PTBP3: variants seen among roughly 807,000 people sequenced by gnomAD.
The protein encoded by PTBP3 is polypyrimidine tract binding protein 3.
Under a neutral mutation model 58.7 loss-of-function variants are expected in PTBP3, and 20 were observed. That is an observed-to-expected ratio of 0.34 (90% CI 0.24 to 0.50). The LOEUF (loss-of-function observed/expected upper bound fraction) is 0.50. Ranked by LOEUF, PTBP3 falls within the 20% of genes least tolerant of loss-of-function variation. The pLI is 0.98. For synonymous variants in PTBP3, 185 were observed against 219.8 expected, an observed-to-expected ratio of 0.84 and a Z score of 1.40; for missense variants, 509 against 637.2, an observed-to-expected ratio of 0.80 and a Z score of 2.17.
At chr9:112,343,179 C>G in the PTBP3 span, among the ~76,000 whole-genome samples, 2 of 151,114 alleles carry the variant, frequency 1.3e-5, no homozygotes, top group South Asian at 4.2e-4. Context: ...TTAGGGGAAT[C>G]TGGACAGTGG....
chr9:112,290,687 A>AATAT lies in PTBP3; in HGVS notation c.34+7141_34+7144dup, dbSNP rs67387323. On this transcript the variant is annotated intron_variant, in intron 2 of 13. Transcript: ENST00000374257. ...ACTCTGTCTTTAAAAAAAAAAAAAA[A>AATAT]ATATATATATATATATATATACACA... Among the ~76,000 whole-genome samples the AATAT allele has an allele frequency of 2.9e-3, 250 of 84,976 alleles. 2 individuals carry two copies. Among genetic ancestry groups the AATAT allele is most frequent in the Admixed American group, 4.9e-3 (40 of 8,146 alleles). 55.7% of individuals were successfully genotyped at this position (84,976 alleles called of 152,430 possible). A position where few individuals can be genotyped will look rare whatever the true frequency, so the allele number is the denominator to read the frequency against.
At chr9:112,320,315 T>TATATATATATATATATATATATATA (rs60292377) in intron 1 of PTBP3, among the ~76,000 whole-genome samples, 2 of 27,076 alleles carry the variant, frequency 7.4e-5, no homozygotes, top group African/African-American at 2.4e-4. Flanking sequence ...TATATATATA[T>TATATATATATATATATATATATATA]TTTTTTTTAA....
chr9:112,346,314 G>A, the PTBP3 span, among the ~76,000 whole-genome samples: 4 of 151,558 alleles, frequency 2.6e-5, no homozygotes, highest in South Asian at 8.3e-4. Context: ...ACAAAGGTGC[G>A]TGCCACCATG....
At chr9:112,315,294 CT>C (rs989458331) in intron 1 of PTBP3, among the ~76,000 whole-genome samples, 2 of 149,672 alleles carry the variant, frequency 1.3e-5, no homozygotes, top group Non-Finnish European at 3.0e-5. Flanking sequence ...AAGTAGTAAG[CT>C]TTAAAAAAAA....
intron 1 of PTBP3, 123 bp downstream of exon 1, chr9:112,333,347 G>C (rs1273078062): frequency 2.5e-6 from 3 of 1,182,690 alleles, no homozygotes; most frequent in African/African-American, 1.6e-5. Context: ...GGGCTTGGCC[G>C]GGGCCGCTCC....
rs951860936 is a variant in PTBP3 at position 112,301,086 on chromosome 9, T to G, written c.-51-3170A>C. Among the ~76,000 whole-genome samples, 16 of 152,196 alleles carry G rather than the reference T, an allele frequency of 1.1e-4. 1 individual carries two copies. The highest frequency in any genetic ancestry group is 3.1e-4 in the African/African-American group (13 of 41,516). On this transcript the variant is annotated intron_variant, in intron 1 of 13. Transcript: ENST00000374257. Reference sequence around the variant, plus strand: ...GAGAATAAAAAGACAACATGGAGAATGGAAGAAAGTATTTACAAGTCACAC... The same window carrying G: ...GAGAATAAAAAGACAACATGGAGAAGGGAAGAAAGTATTTACAAGTCACAC...
chr9:112,236,138 C>T (rs1254434646), intron 7 of PTBP3, among the ~76,000 whole-genome samples: 1 of 151,746 alleles, frequency 6.6e-6, no homozygotes, highest in Non-Finnish European at 1.5e-5. Context: ...TTATTTTCTT[C>T]ATTAAAAAGA....
At chr9:112,339,311 A>AAAAG in the PTBP3 span, among the ~76,000 whole-genome samples, 10 of 147,834 alleles carry the variant, frequency 6.8e-5, no homozygotes, top group Non-Finnish European at 1.3e-4. Context: ...AAAAAAAAAA[A>AAAAG]AAATACAGGC....
intron 10 of PTBP3, among the ~76,000 whole-genome samples, chr9:112,229,770 T>C (rs1226317286): frequency 1.3e-5 from 2 of 152,182 alleles, no homozygotes; most frequent in African/African-American, 2.4e-5. Flanking sequence ...GGGGTCTCAC[T>C]ATCTGGCCCA....
At chr9:112,370,554 A>C in the PTBP3 span, among the ~76,000 whole-genome samples, 7 of 152,136 alleles carry the variant, frequency 4.6e-5, no homozygotes, top group African/African-American at 1.7e-4. Context: ...TAAAAAAAAA[A>C]TCTGGAAGTA....
At chr9:112,293,797 C>G (rs1828549018) in intron 2 of PTBP3, among the ~76,000 whole-genome samples, 1 of 152,128 alleles carries the variant, frequency 6.6e-6, no homozygotes, top group East Asian at 1.9e-4. Context: ...AAAGAGAGTA[C>G]TATTTTCTAT....
chr9:112,291,179 G>A (rs933472609), intron 2 of PTBP3, among the ~76,000 whole-genome samples: 2 of 151,804 alleles, frequency 1.3e-5, no homozygotes, highest in African/African-American at 4.8e-5. Flanking sequence ...CCAAGATTGT[G>A]CCATTGCACT....
At chr9:112,320,316 T>TATATATATATATATATA (rs61624494) in intron 1 of PTBP3, among the ~76,000 whole-genome samples, 4 of 31,578 alleles carry the variant, frequency 1.3e-4, no homozygotes, top group African/African-American at 4.9e-4. Flanking sequence ...ATATATATAT[T>TATATATATATATATATA]TTTTTTTAAG....
At chr9:112,320,595 T>C (rs1829908666) in intron 1 of PTBP3, among the ~76,000 whole-genome samples, 1 of 151,726 alleles carries the variant, frequency 6.6e-6, no homozygotes, top group South Asian at 2.1e-4. Context: ...TGATCTAGAA[T>C]AGCCAAAGCA....
At chr9:112,284,558 T>C (rs188904552) in intron 2 of PTBP3, among the ~76,000 whole-genome samples, 1 of 152,172 alleles carries the variant, frequency 6.6e-6, no homozygotes, top group South Asian at 2.1e-4. Context: ...CAGCCAAGCA[T>C]GGTGATGTGC....
chr9:112,366,328 C>G, the PTBP3 span, among the ~76,000 whole-genome samples: 1 of 152,022 alleles, frequency 6.6e-6, no homozygotes, highest in African/African-American at 2.4e-5. Context: ...TGGTAATTCC[C>G]AAGAGAATGG....
In PTBP3 at chr9:112,223,099, TA is replaced by T; in HGVS notation, c.*751del. On this transcript the variant is annotated 3_prime_UTR_variant, in exon 14 of 14. Transcript: ENST00000374257. ...TGAAATTTAAAACATGATTTTTTCC[TA>T]ATAAAATTATTAGTTATTCTGACAT... The T allele has an allele frequency of 1.2e-6, 1 of 868,332 alleles. No homozygotes were observed. The highest frequency in any genetic ancestry group is 1.4e-6 in the Non-Finnish European group (1 of 723,088). 53.8% of individuals were successfully genotyped at this position (868,332 alleles called of 1,614,324 possible).
intron 1 of PTBP3, among the ~76,000 whole-genome samples, chr9:112,300,950 CA>C (rs1007457781): frequency 4.0e-5 from 6 of 149,432 alleles, no homozygotes; most frequent in South Asian, 2.1e-4. Flanking sequence ...AAAATAAAAA[CA>C]AAAAAAATGG....
In PTBP3 at chr9:112,220,439, T is replaced by C. The variant is rs1834768441; in HGVS notation, c.*3412A>G. ...AGGCATTCATAGGAGCCACTTCTCA[T>C]CAACTAAAACAGAACCCATGATTAT... On this transcript the variant is annotated 3_prime_UTR_variant, in exon 14 of 14. Transcript: ENST00000374257. 1 of 1,167,784 alleles carries C rather than the reference T, an allele frequency of 8.6e-7. No homozygotes were observed. The highest frequency in any genetic ancestry group is 1.6e-5 in the African/African-American group (1 of 61,368). The allele number at this position is 1,167,784 out of a possible 1,614,324, so 72.3% of individuals were successfully genotyped here.
Sources: allele counts gnomAD v4.1 joint callset (sites outside exome capture counted in the v4.1 genomes callset), GRCh38; gene constraint gnomAD v4.1.1; transcripts MANE v1.5; gene names NCBI Gene and HGNC (gene_info 2026-07-23, HGNC 2026-07-21).